CSMD1: variants seen among roughly 807,000 people sequenced by gnomAD.
The protein encoded by CSMD1 is CUB and Sushi multiple domains 1, also known as CUB and sushi domain-containing protein 1.
CSMD1 carries 213 observed loss-of-function variants against 417.5 expected under a neutral mutation model. The ratio of observed to expected loss-of-function variants is 0.51; its 90% confidence interval spans 0.46 to 0.57. CSMD1 has a LOEUF of 0.57. CSMD1 is among the 20% of genes least tolerant of loss of function. The pLI, the probability that CSMD1 is intolerant of heterozygous loss-of-function variation, is 0.00. For synonymous variants in CSMD1, 2,862 were observed against 1,736.8 expected, an observed-to-expected ratio of 1.65 and a Z score of -16.11; for missense variants, 6,923 against 4,529.7, an observed-to-expected ratio of 1.53 and a Z score of -15.17.
intron 7 of CSMD1, among the ~76,000 whole-genome samples, chr8:3,618,596 GT>G (rs1802260894): frequency 6.6e-6 from 1 of 151,808 alleles, no homozygotes. Context: ...AGCAAGTTTG[GT>G]GATAGCATCA....
At position 4,050,142 on chromosome 8, in the gene CSMD1, A is replaced by G. The variant is rs150419594; in HGVS notation, c.416-18043T>C. 2.1e-3 allele frequency among the ~76,000 whole-genome samples: 327 copies of G among 152,284 alleles called. 1 individual carries two copies. Among genetic ancestry groups the G allele is most frequent in the Middle Eastern group, 3.4e-3 (1 of 294 alleles). On this transcript the variant is annotated intron_variant, in intron 3 of 69. Coordinates refer to ENST00000635120, the MANE Select transcript of CSMD1 (RefSeq NM_033225.6). ...AGAGGTAAAGAACACTTCTCGTCGC[A>G]GCATGCCAGGGACACGCATCATCAG... is the stretch of plus-strand genomic sequence containing the variant.
At chr8:3,993,634 G>C (rs1814929248) in intron 5 of CSMD1, among the ~76,000 whole-genome samples, 1 of 152,080 alleles carries the variant, frequency 6.6e-6, no homozygotes, top group African/African-American at 2.4e-5. Flanking sequence ...TAGGCAAAAG[G>C]GTCAAGTTAT....
At chr8:4,068,338 G>A (rs955105527) in intron 3 of CSMD1, among the ~76,000 whole-genome samples, 1 of 152,152 alleles carries the variant, frequency 6.6e-6, no homozygotes, top group Non-Finnish European at 1.5e-5. Context: ...GCATGAGAGT[G>A]GGGCTCAAAG....
At chr8:4,354,698 T>C (rs1801296233) in intron 3 of CSMD1, among the ~76,000 whole-genome samples, 2 of 152,114 alleles carry the variant, frequency 1.3e-5, no homozygotes, top group South Asian at 4.1e-4. Flanking sequence ...ATTGTCACCG[T>C]GTATATTTTT....
At chr8:2,987,800 T>G (rs1237917794) in intron 54 of CSMD1, among the ~76,000 whole-genome samples, 2 of 152,322 alleles carry the variant, frequency 1.3e-5, no homozygotes, top group African/African-American at 4.8e-5. Flanking sequence ...TCAGGGTCCC[T>G]GGGCTCACAC....
chr8:4,467,251 G>C (rs536909527), intron 2 of CSMD1, among the ~76,000 whole-genome samples: 1 of 151,946 alleles, frequency 6.6e-6, no homozygotes, highest in East Asian at 1.9e-4. Flanking sequence ...TTCCAGCTAA[G>C]AATCTACTTC....
intron 18 of CSMD1, among the ~76,000 whole-genome samples, chr8:3,382,784 G>A (rs1212485121): frequency 6.6e-6 from 1 of 151,372 alleles, no homozygotes; most frequent in Non-Finnish European, 1.5e-5. Flanking sequence ...AACTATTTTT[G>A]GTTGTCTGAC....
chr8:3,421,743 T>TTGGC (rs1455586286), intron 12 of CSMD1, among the ~76,000 whole-genome samples: 8 of 152,196 alleles, frequency 5.3e-5, no homozygotes, highest in Non-Finnish European at 7.3e-5. Flanking sequence ...GTTCAAGCAA[T>TTGGC]TGTCCTGTCT....
chr8:3,013,853 A>C (rs1808613242), intron 52 of CSMD1, among the ~76,000 whole-genome samples: 1 of 152,126 alleles, frequency 6.6e-6, no homozygotes, highest in South Asian at 2.1e-4. Flanking sequence ...ACTATTAAAA[A>C]ACTGAAGTCA....
chr8:3,231,479 T>G (rs1368358826), intron 26 of CSMD1, among the ~76,000 whole-genome samples: 1 of 152,184 alleles, frequency 6.6e-6, no homozygotes, highest in Non-Finnish European at 1.5e-5. Context: ...TTTTGTAAAT[T>G]CTGAAGCATT....
chr8:3,095,302 A>G (rs1815222083), intron 47 of CSMD1, among the ~76,000 whole-genome samples: 1 of 152,176 alleles, frequency 6.6e-6, no homozygotes, highest in South Asian at 2.1e-4. Flanking sequence ...TTTTTGCATA[A>G]TACCTAATAG....
At chr8:4,635,218 T>C (rs1335772846) in intron 2 of CSMD1, among the ~76,000 whole-genome samples, 2 of 152,190 alleles carry the variant, frequency 1.3e-5, no homozygotes, top group Non-Finnish European at 2.9e-5. Flanking sequence ...AAAAACATTC[T>C]GTTGTACATA....
intron 1 of CSMD1, among the ~76,000 whole-genome samples, chr8:4,883,069 C>T (rs1803512772): frequency 6.6e-6 from 1 of 152,012 alleles, no homozygotes; most frequent in South Asian, 2.1e-4. Flanking sequence ...TACTTAAGAG[C>T]ACTAGCAGAG....
intron 1 of CSMD1, among the ~76,000 whole-genome samples, chr8:4,683,573 C>A (rs1806178761): frequency 6.6e-6 from 1 of 152,162 alleles, no homozygotes; most frequent in Non-Finnish European, 1.5e-5. Flanking sequence ...TTGTGAATCA[C>A]TGTTGGTAGT....
At chr8:4,474,838 T>A (rs931201732) in intron 2 of CSMD1, among the ~76,000 whole-genome samples, 3 of 152,186 alleles carry the variant, frequency 2.0e-5, no homozygotes, top group African/African-American at 7.2e-5. Flanking sequence ...TAATCAATAG[T>A]AAATATATTT....
chr8:3,391,990 G>A (rs537640278), intron 17 of CSMD1, among the ~76,000 whole-genome samples: 2 of 151,422 alleles, frequency 1.3e-5, no homozygotes, highest in African/African-American at 2.4e-5. Flanking sequence ...ATCATTCTCA[G>A]CAAACTATCA....
intron 28 of CSMD1, among the ~76,000 whole-genome samples, 179 bp downstream of exon 28, chr8:3,223,550 A>T (rs1798329991): frequency 6.6e-6 from 1 of 152,212 alleles, no homozygotes; most frequent in Non-Finnish European, 1.5e-5. Flanking sequence ...AGAATGCCCC[A>T]AAGCAAAATA....
intron 3 of CSMD1, among the ~76,000 whole-genome samples, chr8:4,090,065 G>C (rs140123075): frequency 2.0e-5 from 3 of 152,148 alleles, no homozygotes; most frequent in East Asian, 1.9e-4. Context: ...GTAAATTTTC[G>C]AATGAGCAAA....
At chr8:4,943,876 C>A (rs942256027) in intron 1 of CSMD1, among the ~76,000 whole-genome samples, 1 of 152,116 alleles carries the variant, frequency 6.6e-6, no homozygotes, top group African/African-American at 2.4e-5. Flanking sequence ...AGTGTAAGAG[C>A]CCAAAACGCT....
Sources: gnomAD v4.1 joint callset for allele counts (sites outside exome capture counted in the v4.1 genomes callset) on GRCh38, gnomAD v4.1.1 for gene constraint, MANE v1.5 for transcripts, NCBI Gene and HGNC (gene_info 2026-07-23, HGNC 2026-07-21) for gene names.